FAM20A: variants seen among roughly 807,000 people sequenced by gnomAD.
FAM20A encodes pseudokinase FAM20A.
Under a neutral mutation model 52.0 loss-of-function variants are expected in FAM20A, and 42 were observed. The observed-to-expected ratio is 0.81, with a 90% CI of 0.63 to 1.04. The LOEUF is 1.04. Ranked by LOEUF, FAM20A falls within the 50% of genes least tolerant of loss-of-function variation. FAM20A has a pLI of 0.00. For missense variants in FAM20A, 742 were observed against 712.7 expected, an observed-to-expected ratio of 1.04 and a Z score of -0.47; for synonymous variants, 304 against 298.9, an observed-to-expected ratio of 1.02 and a Z score of -0.18.
rs34025800 is a variant in FAM20A, at chr17:68,582,780, A to ATTTTTT, written c.404+17477_404+17482dup. ...CGCTTATGTGGAAGAGCCAGGATTA[A>ATTTTTT]TTTTTTTTTTTTTTTTTTTTTTTTT... On this transcript the variant is annotated intron_variant, in intron 1 of 10. Coordinates refer to ENST00000592554, the MANE Select transcript of FAM20A (RefSeq NM_017565.4). Among the ~76,000 whole-genome samples, 6 of 79,804 alleles carry ATTTTTT rather than the reference A, an allele frequency of 7.5e-5. 1 individual carries two copies. The highest frequency in any genetic ancestry group is 8.8e-5 in the Non-Finnish European group (4 of 45,612). The allele number at this position is 79,804 out of a possible 152,430, so 52.4% of individuals were successfully genotyped here.
At chr17:68,550,140 TG>T (rs1339370947) in intron 4 of FAM20A, among the ~76,000 whole-genome samples, 1 of 152,086 alleles carries the variant, frequency 6.6e-6, no homozygotes, top group African/African-American at 2.4e-5. Flanking sequence ...ACCCCCAACT[TG>T]ACTCTAAGTG....
chr17:68,543,349 A>G (rs1036614232), intron 5 of FAM20A, among the ~76,000 whole-genome samples: 8 of 152,182 alleles, frequency 5.3e-5, no homozygotes, highest in African/African-American at 1.9e-4. Flanking sequence ...CCTCGCTCTC[A>G]GATCAGGAAA....
intron 1 of FAM20A, among the ~76,000 whole-genome samples, chr17:68,599,945 G>C (rs1363693467): frequency 6.6e-6 from 1 of 152,116 alleles, no homozygotes; most frequent in Admixed American, 6.5e-5. Context: ...ACGAGGGAGC[G>C]GGAGTGGACG....
chr17:68,597,839 G>A (rs1423114235), intron 1 of FAM20A, among the ~76,000 whole-genome samples: 2 of 152,098 alleles, frequency 1.3e-5, no homozygotes, highest in African/African-American at 2.4e-5. Context: ...ATCTAGGGGT[G>A]TCCTCGACCC....
chr17:68,539,475 A>G (rs2086196363), intron 9 of FAM20A, 79 bp from the exon 10 acceptor site: 1 of 1,314,418 alleles, frequency 7.6e-7, no homozygotes, highest in Admixed American at 1.7e-5. Context: ...TCCTCTCAGC[A>G]TTTTGTGAAT....
At chr17:68,598,597 G>A (rs530134250) in intron 1 of FAM20A, among the ~76,000 whole-genome samples, 3 of 152,140 alleles carry the variant, frequency 2.0e-5, no homozygotes, top group Non-Finnish European at 4.4e-5. Context: ...TGGTCAGAAA[G>A]TATGTGTGTT....
intron 1 of FAM20A, among the ~76,000 whole-genome samples, chr17:68,573,469 TTCTTTC>T (rs1334052132): frequency 6.6e-6 from 1 of 150,550 alleles, no homozygotes. Context: ...CTTTCTTTCT[TTCTTTC>T]TCTTTCTTTC....
Position 68,539,378 on chromosome 17 carries a change from A to T in FAM20A, c.1320T>A (p.His440Gln). ...DNARGFGRHS[H>Q]DEISILSPLS... is the part of the protein sequence containing the mutation. ...GAGGCGAGAGGATGGAGATTTCATC[A>T]TGGGAGTGTCGTCCGAACCTAGGAG... The change falls in exon 10 of 11, where the codon CAT becomes CAA. Residue 440 changes from histidine to glutamine, a missense_variant. His to Gln is a conservative substitution (Grantham distance 24). Transcript: ENST00000592554. 6.2e-7 allele frequency: 1 copy of T among 1,614,214 alleles called. No individual in the cohort carries two copies. Among genetic ancestry groups the T allele is most frequent in the Non-Finnish European group, 8.5e-7 (1 of 1,180,036 alleles).
chr17:68,578,898 C>T (rs2087856342), intron 1 of FAM20A, among the ~76,000 whole-genome samples: 1 of 147,136 alleles, frequency 6.8e-6, no homozygotes, highest in Admixed American at 6.8e-5. Flanking sequence ...GCCTGTAGTC[C>T]CAGCTATTCA....
At chr17:68,586,513 T>A (rs1382401938) in intron 1 of FAM20A, among the ~76,000 whole-genome samples, 1 of 152,300 alleles carries the variant, frequency 6.6e-6, no homozygotes, top group South Asian at 2.1e-4. Flanking sequence ...ATGACAAGTG[T>A]CCTTATAGGA....
chr17:68,557,042 A>G (rs1315144441), intron 1 of FAM20A, among the ~76,000 whole-genome samples: 2 of 152,142 alleles, frequency 1.3e-5, no homozygotes, highest in East Asian at 3.9e-4. Flanking sequence ...TCTACTAAAA[A>G]TACAAAAATT....
chr17:68,586,493 C>T (rs757153113), intron 1 of FAM20A, among the ~76,000 whole-genome samples: 2 of 152,122 alleles, frequency 1.3e-5, no homozygotes, highest in Non-Finnish European at 2.9e-5. Flanking sequence ...TTAGGTGGAC[C>T]TGATAGCCAA....
intron 4 of FAM20A, among the ~76,000 whole-genome samples, chr17:68,547,304 G>T (rs2885731): frequency 8.6e-5 from 13 of 151,992 alleles, no homozygotes; most frequent in Admixed American, 3.3e-4. Flanking sequence ...TAAGTTCTAG[G>T]GTACATGTGC....
chr17:68,577,924 T>C (rs1049265551), intron 1 of FAM20A, among the ~76,000 whole-genome samples: 2 of 152,188 alleles, frequency 1.3e-5, no homozygotes, highest in African/African-American at 4.8e-5. Context: ...GCAATATTGA[T>C]TTATTTAAAT....
chr17:68,539,639 T>C (rs1004079340), intron 9 of FAM20A, among the ~76,000 whole-genome samples: 3 of 152,238 alleles, frequency 2.0e-5, no homozygotes, highest in Non-Finnish European at 4.4e-5. Flanking sequence ...AGGATGCACC[T>C]TGCTCTCGAA....
In FAM20A at chr17:68,537,285, G is replaced by A. The variant is rs557669191; in HGVS notation, c.*192C>T. 145 of 779,510 alleles carry A rather than the reference G, an allele frequency of 1.9e-4. No individual in the cohort carries two copies. Among genetic ancestry groups the A allele is most frequent in the Non-Finnish European group, 1.7e-4 (77 of 459,574 alleles). 48.3% of individuals were successfully genotyped at this position (779,510 alleles called of 1,614,324 possible). A position where few individuals can be genotyped will look rare whatever the true frequency, so the allele number is the denominator to read the frequency against. Reference sequence around the variant, plus strand: ...GGAAAAACGGAGCAAGGCAACGCACGACAGAAGCGGTGCACCAAGGAGTAA... The same window carrying A: ...GGAAAAACGGAGCAAGGCAACGCACAACAGAAGCGGTGCACCAAGGAGTAA... On this transcript the variant is annotated 3_prime_UTR_variant, in exon 11 of 11. Coordinates refer to ENST00000592554, the MANE Select transcript of FAM20A (RefSeq NM_017565.4). This position sits in a 1 kb window ranked among gnomAD's most constrained non-coding sequence, Gnocchi z 4.2.
rs2086141542 is a variant in FAM20A, at chr17:68,537,892, AAG to A, written c.1362-153_1362-152del. Reference sequence around the variant, plus strand: ...CACATTTTAATGGAAACCAGGTAAAAAGGGAACAAATGAAAGGCAAAATCCAG... The same window carrying A: ...CACATTTTAATGGAAACCAGGTAAAAGGAACAAATGAAAGGCAAAATCCAG... On this transcript the variant is annotated intron_variant, in intron 10 of 10. Coordinates refer to ENST00000592554, the MANE Select transcript of FAM20A (RefSeq NM_017565.4). The surrounding 1 kb of genome is among the most constrained non-coding windows in gnomAD (Gnocchi z 4.2). 4 of 954,166 alleles carry A rather than the reference AAG, an allele frequency of 4.2e-6. No individual in the cohort carries two copies. The highest frequency in any genetic ancestry group is 1.4e-5 in the South Asian group (1 of 69,208). 59.1% of individuals were successfully genotyped at this position (954,166 alleles called of 1,614,324 possible). A position where few individuals can be genotyped will look rare whatever the true frequency, so the allele number is the denominator to read the frequency against.
rs780651741 is a variant in FAM20A at position 68,535,913 on chromosome 17, A to G, written c.*1564T>C. ...CTTTGGAATAGGTCTAAACCACTAA[A>G]TTGTGTGATTTTGCTTACTCTCTCT... is the stretch of plus-strand genomic sequence containing the variant. On this transcript the variant is annotated 3_prime_UTR_variant, in exon 11 of 11. Transcript: ENST00000592554. 1 of 454,034 alleles carries G rather than the reference A, an allele frequency of 2.2e-6. No homozygotes were observed. Among genetic ancestry groups the G allele is most frequent in the South Asian group, 1.6e-5 (1 of 64,472 alleles). 28.1% of individuals were successfully genotyped at this position (454,034 alleles called of 1,614,324 possible). A position where few individuals can be genotyped will look rare whatever the true frequency, so the allele number is the denominator to read the frequency against.
chr17:68,575,160 G>A (rs1024951280), intron 1 of FAM20A: 4 of 151,864 alleles, frequency 2.6e-5, no homozygotes, highest in African/African-American at 9.7e-5. Flanking sequence ...TACATCTTGA[G>A]CTTGGACTTC....
Sources: gnomAD v4.1 joint callset for allele counts (sites outside exome capture counted in the v4.1 genomes callset) on GRCh38, gnomAD v4.1.1 for gene constraint, Gnocchi (gnomAD v3.1) non-coding constraint, MANE v1.5 for transcripts, NCBI Gene and HGNC (gene_info 2026-07-23, HGNC 2026-07-21) for gene names.